ZCCHC7: variants seen among roughly 807,000 people sequenced by gnomAD.
ZCCHC7 encodes the protein zinc finger CCHC domain-containing protein 7.
Under a neutral mutation model 52.0 loss-of-function variants are expected in ZCCHC7, and 35 were observed. The observed-to-expected ratio is 0.67, with a 90% CI of 0.51 to 0.89. The LOEUF (loss-of-function observed/expected upper bound fraction) is 0.89. Ranked by LOEUF, ZCCHC7 falls within the 40% of genes least tolerant of loss-of-function variation. ZCCHC7 has a pLI of 0.00. For synonymous variants in ZCCHC7, 217 were observed against 221.5 expected (o/e 0.98, Z 0.18); for missense variants, 574 against 649.1 (o/e 0.88, Z 1.26).
intron 6 of ZCCHC7, among the ~76,000 whole-genome samples, chr9:37,345,762 C>G (rs1325772187): frequency 6.6e-6 from 1 of 151,068 alleles, no homozygotes; most frequent in Non-Finnish European, 1.5e-5. Flanking sequence ...TTTAGCTAGT[C>G]TTAATTTATG....
At chr9:37,304,340 C>T (rs938722974) in intron 4 of ZCCHC7, 27 bp downstream of exon 4, 5 of 1,609,088 alleles carry the variant, frequency 3.1e-6, no homozygotes, top group Middle Eastern at 3.3e-4. Context: ...TTGCTTCTTT[C>T]CACATTTGTA....
intron 2 of ZCCHC7, among the ~76,000 whole-genome samples, chr9:37,217,228 G>A (rs1824553467): frequency 6.6e-6 from 1 of 152,034 alleles, no homozygotes; most frequent in South Asian, 2.1e-4. Context: ...ATTCTTAACA[G>A]TATCCGTGAA....
At chr9:37,265,132 C>A (rs1006341619) in intron 2 of ZCCHC7, among the ~76,000 whole-genome samples, 1 of 152,146 alleles carries the variant, frequency 6.6e-6, no homozygotes, top group Non-Finnish European at 1.5e-5. Flanking sequence ...AGGTAATACT[C>A]TTTGAGAAAG....
chr9:37,202,092 T>C (rs574231458), intron 2 of ZCCHC7, among the ~76,000 whole-genome samples: 204 of 152,362 alleles, frequency 1.3e-3, no homozygotes, highest in Non-Finnish European at 2.4e-3. Flanking sequence ...ATGTCTCTGA[T>C]ATAATGCATA....
At chr9:37,144,686 A>G (rs970732155) in intron 2 of ZCCHC7, among the ~76,000 whole-genome samples, 1 of 151,982 alleles carries the variant, frequency 6.6e-6, no homozygotes, top group Admixed American at 6.6e-5. Flanking sequence ...TATATGATCC[A>G]TCTATGACAT....
intron 3 of ZCCHC7, among the ~76,000 whole-genome samples, chr9:37,303,655 CTTT>C (rs74182940): frequency 2.5e-4 from 14 of 56,768 alleles, no homozygotes; most frequent in East Asian, 1.1e-3. Flanking sequence ...TTTTCTACCT[CTTT>C]TTTTTTTTTT....
intron 6 of ZCCHC7, among the ~76,000 whole-genome samples, chr9:37,342,474 T>C (rs931848518): frequency 6.6e-6 from 1 of 152,206 alleles, no homozygotes; most frequent in African/African-American, 2.4e-5. Context: ...TGTAAATCTA[T>C]ACTATTAGAT....
At chr9:37,304,624 C>G (rs1341686159) in intron 4 of ZCCHC7, among the ~76,000 whole-genome samples, 1 of 151,480 alleles carries the variant, frequency 6.6e-6, no homozygotes, top group African/African-American at 2.4e-5. Flanking sequence ...CCATTGCACT[C>G]CAGCCTGGGT....
chr9:37,223,754 T>C (rs2029647), intron 2 of ZCCHC7, among the ~76,000 whole-genome samples: 4,493 of 152,230 alleles, frequency 0.03, 148 homozygotes, highest in East Asian at 0.074. Context: ...AGGTCTTTAC[T>C]ACAGAGTTGG....
chr9:37,181,373 T>A (rs915278094), intron 2 of ZCCHC7, among the ~76,000 whole-genome samples: 1 of 152,220 alleles, frequency 6.6e-6, no homozygotes, highest in African/African-American at 2.4e-5. Flanking sequence ...GCTCTGTGAT[T>A]TGCACTGACT....
At chr9:37,236,158 A>ATTCT (rs1270453764) in intron 2 of ZCCHC7, among the ~76,000 whole-genome samples, 1 of 152,150 alleles carries the variant, frequency 6.6e-6, no homozygotes, top group Non-Finnish European at 1.5e-5. Context: ...ACTAATTTAC[A>ATTCT]TTCTCATCAG....
intron 2 of ZCCHC7, among the ~76,000 whole-genome samples, chr9:37,172,713 G>A (rs1196078124): frequency 6.6e-6 from 1 of 152,028 alleles, no homozygotes; most frequent in Non-Finnish European, 1.5e-5. Flanking sequence ...TTCCAATAGA[G>A]AGACTTCAGT....
At chr9:37,343,157 A>T (rs910846713) in intron 6 of ZCCHC7, among the ~76,000 whole-genome samples, 4 of 152,218 alleles carry the variant, frequency 2.6e-5, no homozygotes, top group Non-Finnish European at 5.9e-5. Flanking sequence ...GAAGTGGGAG[A>T]CAGACTTCTC....
chr9:37,331,242 A>G (rs948140733), intron 6 of ZCCHC7, among the ~76,000 whole-genome samples: 1 of 151,662 alleles, frequency 6.6e-6, no homozygotes, highest in Non-Finnish European at 1.5e-5. Flanking sequence ...GGGGAAGAGT[A>G]GAGAAATGAG....
intron 6 of ZCCHC7, among the ~76,000 whole-genome samples, chr9:37,336,527 T>C (rs1263682137): frequency 1.3e-5 from 2 of 152,094 alleles, no homozygotes; most frequent in Non-Finnish European, 2.9e-5. Flanking sequence ...TTGTAAGTCA[T>C]GTGGAGTTAT....
At chr9:37,348,600 G>C (rs991017787) in intron 6 of ZCCHC7, among the ~76,000 whole-genome samples, 2 of 152,092 alleles carry the variant, frequency 1.3e-5, no homozygotes, top group African/African-American at 4.8e-5. Flanking sequence ...GGCTGGTCTT[G>C]AACTCCTGAC....
intron 6 of ZCCHC7, among the ~76,000 whole-genome samples, chr9:37,343,602 T>G (rs1218289595): frequency 2.0e-5 from 3 of 152,200 alleles, no homozygotes; most frequent in Non-Finnish European, 4.4e-5. Context: ...GTAACTAAAT[T>G]CGGAAAAATT....
At chr9:37,309,920 CAAA>C (rs748775336) in intron 5 of ZCCHC7, among the ~76,000 whole-genome samples, 5 of 85,062 alleles carry the variant, frequency 5.9e-5, no homozygotes, top group African/African-American at 4.5e-5. Context: ...AGACTGTTTC[CAAA>C]AAAAAAAAAA....
chr9:37,179,056 A>G (rs984809222), intron 2 of ZCCHC7, among the ~76,000 whole-genome samples: 5 of 152,088 alleles, frequency 3.3e-5, no homozygotes, highest in Non-Finnish European at 7.4e-5. Context: ...TACTGTTTGC[A>G]TCTTTTCCGT....
Sources: allele counts gnomAD v4.1 joint callset (sites outside exome capture counted in the v4.1 genomes callset), GRCh38; gene constraint gnomAD v4.1.1; transcripts MANE v1.5; gene names NCBI Gene and HGNC (gene_info 2026-07-23, HGNC 2026-07-21).